Variants in TTC39B observed in about 807,000 individuals in gnomAD.
The protein encoded by TTC39B is tetratricopeptide repeat protein 39B.
In TTC39B, 92 loss-of-function variants were observed where a neutral mutation model predicts 96.6. The observed-to-expected ratio is 0.95, with a 90% CI of 0.80 to 1.13. The LOEUF is 1.13. Among genes scored for constraint, TTC39B ranks in the 50% most tolerant of loss-of-function variants. The probability of loss-of-function intolerance (pLI) is 0.00; values close to 1 mark genes in which losing one functional copy is unlikely to be tolerated. For missense variants in TTC39B, 955 were observed against 809.3 expected, an observed-to-expected ratio of 1.18 and a Z score of -2.18; for synonymous variants, 367 against 299.4, an observed-to-expected ratio of 1.23 and a Z score of -2.33.
intron 15 of TTC39B, 91 bp from the exon 16 acceptor site, chr9:15,185,497 C>T: frequency 6.4e-7 from 1 of 1,560,958 alleles, no homozygotes; most frequent in South Asian, 1.2e-5. Context: ...CTTCACAGAC[C>T]ACCAGCAGCA....
chr9:15,293,958 A>G (rs572070795), intron 1 of TTC39B, among the ~76,000 whole-genome samples: 1 of 152,174 alleles, frequency 6.6e-6, no homozygotes, highest in East Asian at 1.9e-4. Context: ...CTGTCCATAA[A>G]TCTTCTTCCA....
intron 1 of TTC39B, among the ~76,000 whole-genome samples, chr9:15,304,510 T>C (rs1408015933): frequency 6.6e-6 from 1 of 152,094 alleles, no homozygotes; most frequent in African/African-American, 2.4e-5. Flanking sequence ...AATTAAAAAA[T>C]CAATTTAGCC....
At chr9:15,236,643 G>A (rs1821794418) in intron 2 of TTC39B, among the ~76,000 whole-genome samples, 1 of 152,160 alleles carries the variant, frequency 6.6e-6, no homozygotes, top group Non-Finnish European at 1.5e-5. Flanking sequence ...AGAGTGGGAT[G>A]AAATTAGAAA....
At chr9:15,256,826 C>G (rs1057358919) in intron 2 of TTC39B, among the ~76,000 whole-genome samples, 2 of 152,256 alleles carry the variant, frequency 1.3e-5, no homozygotes, top group Non-Finnish European at 1.5e-5. Context: ...TGCATGAGGG[C>G]AAGAGTTGCC....
intron 2 of TTC39B, among the ~76,000 whole-genome samples, chr9:15,261,698 C>T (rs1563771753): frequency 6.6e-6 from 1 of 152,104 alleles, no homozygotes; most frequent in Non-Finnish European, 1.5e-5. Flanking sequence ...AACTGAAATG[C>T]CACCCATCCC....
chr9:15,191,239 G>GTT lies in TTC39B; in HGVS notation c.946_947insAA (p.Pro316GlnfsTer9). The GTT allele has an allele frequency of 6.2e-7, 1 of 1,609,770 alleles. No homozygotes were observed. The highest frequency in any genetic ancestry group is 8.5e-7 in the Non-Finnish European group (1 of 1,177,534). ...TTCTAGTAGTCTGATAATCCTTGCT[G>GTT]GTAAAAGGGACAGCATCTGTAAGAA... On this transcript the variant is annotated frameshift_variant, in exon 10 of 20. Coordinates refer to ENST00000512701, the Ensembl canonical transcript of TTC39B. LOFTEE classifies it high-confidence loss of function.
At chr9:15,222,082 T>A (rs897547929) in intron 3 of TTC39B, among the ~76,000 whole-genome samples, 10 of 152,220 alleles carry the variant, frequency 6.6e-5, no homozygotes, top group Non-Finnish European at 1.3e-4. Context: ...CCCAAAAACC[T>A]GCCTCAGCTT....
intron 2 of TTC39B, among the ~76,000 whole-genome samples, chr9:15,263,730 C>T (rs905296351): frequency 1.3e-5 from 2 of 152,184 alleles, no homozygotes; most frequent in Non-Finnish European, 2.9e-5. Context: ...CAAGATTCTT[C>T]GTGTATGGAC....
rs773826461 is a variant in TTC39B at position 15,189,805 on chromosome 9, C to T, written c.1106-13G>A. ...ACTTCTCCTGTACCTAGAAATTTAA[C>T]AGGAAAAGACTCAGTCTTCATAAGA... On this transcript the variant is annotated splice_polypyrimidine_tract_variant and intron_variant, in intron 11 of 19. Transcript: ENST00000512701. The T allele has an allele frequency of 1.3e-6, 2 of 1,580,762 alleles. No individual in the cohort carries two copies. The highest frequency in any genetic ancestry group is 8.7e-7 in the Non-Finnish European group (1 of 1,155,730).
intron 2 of TTC39B, among the ~76,000 whole-genome samples, chr9:15,231,371 T>G (rs1042628997): frequency 6.6e-6 from 1 of 152,172 alleles, no homozygotes; most frequent in Non-Finnish European, 1.5e-5. Context: ...TCTTAACAGC[T>G]TGGCCAATAC....
intron 16 of TTC39B, 35 bp from the exon 17 acceptor site, chr9:15,182,450 A>G: frequency 6.8e-7 from 1 of 1,472,564 alleles, no homozygotes; most frequent in East Asian, 2.3e-5. Flanking sequence ...TTGCAGTTAT[A>G]TGAGGTTATT....
intron 2 of TTC39B, among the ~76,000 whole-genome samples, chr9:15,244,495 G>A (rs1822185034): frequency 6.6e-6 from 1 of 152,234 alleles, no homozygotes; most frequent in African/African-American, 2.4e-5. Context: ...ATACCACGAG[G>A]AAAGAACGTG....
intron 2 of TTC39B, among the ~76,000 whole-genome samples, chr9:15,239,229 C>T (rs1821926201): frequency 6.6e-6 from 1 of 152,054 alleles, no homozygotes; most frequent in Non-Finnish European, 1.5e-5. Flanking sequence ...CATCTTATAC[C>T]AGTCAGAATG....
At chr9:15,291,711 C>G (rs183669603) in intron 1 of TTC39B, among the ~76,000 whole-genome samples, 1 of 151,986 alleles carries the variant, frequency 6.6e-6, no homozygotes, top group East Asian at 1.9e-4. Flanking sequence ...CAAAAGGGAC[C>G]GTCACTGGAT....
intron 18 of TTC39B, 41 bp downstream of exon 18, chr9:15,177,656 C>A: frequency 2.1e-6 from 3 of 1,395,420 alleles, no homozygotes; most frequent in Middle Eastern, 1.8e-4. Context: ...TCCCCAGAAA[C>A]CACAATTTGC....
At chr9:15,174,109 C>G (rs1353480060) in intron 19 of TTC39B, among the ~76,000 whole-genome samples, 1 of 152,138 alleles carries the variant, frequency 6.6e-6, no homozygotes, top group African/African-American at 2.4e-5. Flanking sequence ...ATCAATCTAT[C>G]CTGAAGTAAC....
chr9:15,185,233 G>C (rs1223721613), intron 16 of TTC39B, 47 bp downstream of exon 16: 2 of 1,568,118 alleles, frequency 1.3e-6, no homozygotes, highest in South Asian at 1.2e-5. Flanking sequence ...GCTGCTGTGA[G>C]TAGGTAATTT....
intron 2 of TTC39B, among the ~76,000 whole-genome samples, chr9:15,239,018 G>A (rs1490954460): frequency 6.6e-6 from 1 of 152,080 alleles, no homozygotes; most frequent in East Asian, 1.9e-4. Context: ...CTATGCCTCT[G>A]ACAAAAGACT....
At chr9:15,218,632 T>TAAAAAAAAAAATATATATATA (rs545882970) in intron 3 of TTC39B, among the ~76,000 whole-genome samples, 3 of 105,110 alleles carry the variant, frequency 2.9e-5, no homozygotes, top group African/African-American at 1.1e-4. Flanking sequence ...TTAGTCTATT[T>TAAAAAAAAAAATATATATATA]TAAATATATA....
Sources: gnomAD v4.1 joint callset for allele counts (sites outside exome capture counted in the v4.1 genomes callset) on GRCh38, gnomAD v4.1.1 for gene constraint, MANE v1.5 for transcripts, NCBI Gene and HGNC (gene_info 2026-07-23, HGNC 2026-07-21) for gene names.